The following SAP30BP variants were observed in gnomAD, a reference collection of about 807,000 sequenced individuals.
The protein encoded by SAP30BP is SAP30 binding protein.
A neutral mutation model predicts 46.3 loss-of-function variants in SAP30BP; 31 were observed. That is an observed-to-expected ratio of 0.67 (90% CI 0.50 to 0.90). SAP30BP has a LOEUF of 0.90. SAP30BP is among the 40% of genes least tolerant of loss of function. The probability of loss-of-function intolerance (pLI) is 0.00; values close to 1 mark genes in which losing one functional copy is unlikely to be tolerated. For missense variants in SAP30BP, 312 were observed against 391.0 expected, an observed-to-expected ratio of 0.80 and a Z score of 1.70; for synonymous variants, 169 against 144.2, an observed-to-expected ratio of 1.17 and a Z score of -1.23.
At chr17:75,667,657 C>T (rs556095163) in intron 1 of SAP30BP, among the ~76,000 whole-genome samples, 179 bp downstream of exon 1, 3 of 152,328 alleles carry the variant, frequency 2.0e-5, no homozygotes, top group African/African-American at 7.2e-5. Context: ...TGAAGAATCT[C>T]CTTCCCGTTA....
chr17:75,693,509 C>A (rs370977108), intron 4 of SAP30BP, 27 bp downstream of exon 4: 17 of 1,610,238 alleles, frequency 1.1e-5, no homozygotes, highest in Non-Finnish European at 1.4e-5. Flanking sequence ...CCTGGGGGCA[C>A]GTTTCTCAGC....
chr17:75,687,526 G>A (rs2060174582), intron 3 of SAP30BP, among the ~76,000 whole-genome samples: 1 of 151,384 alleles, frequency 6.6e-6, no homozygotes, highest in African/African-American at 2.4e-5. Context: ...TGAGGCAAGA[G>A]AATTGCTTGA....
intron 1 of SAP30BP, 39 bp from the exon 2 acceptor site, chr17:75,668,476 TC>T (rs1599080733): frequency 7.7e-7 from 1 of 1,294,196 alleles, no homozygotes; most frequent in South Asian, 1.4e-5. Context: ...GTTTTTTTTT[TC>T]TTGCTTTTTG....
chr17:75,679,157 T>C (rs967194138), intron 3 of SAP30BP, among the ~76,000 whole-genome samples: 2 of 151,978 alleles, frequency 1.3e-5, no homozygotes, highest in African/African-American at 4.8e-5. Context: ...CCACCACACC[T>C]GGCTAATTTT....
chr17:75,703,193 C>A, intron 6 of SAP30BP, 118 bp from the exon 7 acceptor site: 1 of 907,248 alleles, frequency 1.1e-6, no homozygotes, highest in Non-Finnish European at 1.8e-6. Context: ...TTGCTTAGAG[C>A]AGCTGAGCTG....
At chr17:75,689,239 C>G (rs1482086998) in intron 3 of SAP30BP, among the ~76,000 whole-genome samples, 1 of 150,428 alleles carries the variant, frequency 6.6e-6, no homozygotes, top group African/African-American at 2.5e-5. Flanking sequence ...ACCTCCACCT[C>G]TCAAGTAGCT....
At chr17:75,681,197 C>G (rs2060071163) in intron 3 of SAP30BP, among the ~76,000 whole-genome samples, 1 of 152,126 alleles carries the variant, frequency 6.6e-6, no homozygotes, top group South Asian at 2.1e-4. Context: ...TTTCCTGTAA[C>G]AGTTTTGTTA....
In SAP30BP at chr17:75,693,483, G is replaced by C. The variant is rs758547369; in HGVS notation, c.307+1G>C. On this transcript the variant is annotated splice_donor_variant, in intron 4 of 10. Transcript: ENST00000584667. LOFTEE classifies it high-confidence loss of function. The stretch of plus-strand genomic sequence containing the variant: ...AAGCGAGACCCCCAGGAACTCGTGG[G>C]TGAGTATTGGGGGATCCTGGGGGCA... 2 of 1,613,784 alleles carry C rather than the reference G, an allele frequency of 1.2e-6. No individual in the cohort carries two copies. The highest frequency in any genetic ancestry group is 1.7e-6 in the Non-Finnish European group (2 of 1,179,828).
chr17:75,693,466 C>T lies in SAP30BP; in HGVS notation c.291C>T (p.Asp97=). Residue 97 remains aspartate, a synonymous_variant, in exon 4 of 11, where the codon GAC becomes GAT. Coordinates refer to ENST00000584667, the MANE Select transcript of SAP30BP (RefSeq NM_013260.8). Reference sequence around the variant, plus strand: ...ATAATACAGAAGCAGAAAAGCGAGACCCCCAGGAACTCGTGGGTGAGTATT... The same window carrying T: ...ATAATACAGAAGCAGAAAAGCGAGATCCCCAGGAACTCGTGGGTGAGTATT... The part of the protein sequence containing the change: ...PKDNTEAEKR[D]PQELVASFSE... The T allele has an allele frequency of 6.2e-7, 1 of 1,613,908 alleles. No individual in the cohort carries two copies. The highest frequency in any genetic ancestry group is 8.5e-7 in the Non-Finnish European group (1 of 1,179,844).
chr17:75,697,052 C>G (rs994067504), intron 4 of SAP30BP, among the ~76,000 whole-genome samples: 5 of 152,092 alleles, frequency 3.3e-5, no homozygotes, highest in African/African-American at 1.2e-4. Context: ...GCTGGGATTA[C>G]AGGTGTGAGC....
chr17:75,670,005 A>G (rs1012378773), intron 2 of SAP30BP, among the ~76,000 whole-genome samples: 1 of 152,098 alleles, frequency 6.6e-6, no homozygotes, highest in African/African-American at 2.4e-5. Flanking sequence ...TTTTTGTTAC[A>G]TGTTGGTATG....
chr17:75,684,328 T>C (rs1366172833), intron 3 of SAP30BP: 1 of 152,128 alleles, frequency 6.6e-6, no homozygotes. Flanking sequence ...TCATGTGGGG[T>C]GCTATGTGAG....
intron 3 of SAP30BP, among the ~76,000 whole-genome samples, chr17:75,688,187 C>T (rs921742190): frequency 6.6e-6 from 1 of 152,058 alleles, no homozygotes; most frequent in Non-Finnish European, 1.5e-5. Flanking sequence ...ATCCTGGGTG[C>T]AGAAAGGGGA....
At chr17:75,697,882 G>A (rs537465726) in intron 4 of SAP30BP, among the ~76,000 whole-genome samples, 1 of 152,332 alleles carries the variant, frequency 6.6e-6, no homozygotes, top group Non-Finnish European at 1.5e-5. Flanking sequence ...AGCATGGGGA[G>A]AGGAGAAGGG....
Position 75,671,846 on chromosome 17 carries a change from G to C in SAP30BP, c.247G>C (p.Glu83Gln). ...EDDDSETEKP[E>Q]ADDPKDNTEA... ...TGACGATTCAGAGACTGAAAAACCT[G>C]AGGCTGATGACCCAAAGGTATTTGG... Residue 83 changes from glutamate (E) to glutamine (Q), a missense_variant, in exon 3 of 11, where the codon GAG (glutamate) becomes CAG (glutamine). By Grantham distance (29) the Glu-to-Gln change is conservative (BLOSUM62 2). Coordinates refer to ENST00000584667, the MANE Select transcript of SAP30BP (RefSeq NM_013260.8). The C allele has an allele frequency of 6.2e-7, 1 of 1,613,746 alleles. No homozygotes were observed. Among genetic ancestry groups the C allele is most frequent in the Non-Finnish European group, 8.5e-7 (1 of 1,179,686 alleles).
chr17:75,703,872 C>G lies in SAP30BP; in HGVS notation c.601+13C>G, dbSNP rs568572388. The stretch of plus-strand genomic sequence containing the variant: ...TATGAGGCATTAGGTAGCCTTTCGT[C>G]CCTCCTCCCATATACCTTGTCCGCC... On this transcript the variant is annotated intron_variant, in intron 8 of 10. Transcript: ENST00000584667. The G allele has an allele frequency of 2.5e-6, 4 of 1,600,050 alleles. No individual in the cohort carries two copies. Among genetic ancestry groups the G allele is most frequent in the African/African-American group, 2.7e-5 (2 of 74,766 alleles).
intron 4 of SAP30BP, among the ~76,000 whole-genome samples, chr17:75,696,826 G>A (rs577362097): frequency 7.0e-6 from 1 of 143,882 alleles, no homozygotes; most frequent in South Asian, 2.2e-4. Context: ...TGGAGGGGCT[G>A]GAGTGCAGTG....
chr17:75,696,673 A>G (rs1318594199), intron 4 of SAP30BP, among the ~76,000 whole-genome samples: 1 of 151,660 alleles, frequency 6.6e-6, no homozygotes, highest in East Asian at 1.9e-4. Context: ...GTACACTTCT[A>G]TCTAGTTTTC....
At chr17:75,682,949 G>A (rs775840129) in intron 3 of SAP30BP, among the ~76,000 whole-genome samples, 69 of 137,980 alleles carry the variant, frequency 5.0e-4, no homozygotes, top group Non-Finnish European at 9.5e-4. Flanking sequence ...GTGACACGGT[G>A]AGACTTCGTC....
Sources: gnomAD v4.1 joint callset for allele counts (sites outside exome capture counted in the v4.1 genomes callset) on GRCh38, gnomAD v4.1.1 for gene constraint, MANE v1.5 for transcripts, NCBI Gene and HGNC (gene_info 2026-07-23, HGNC 2026-07-21) for gene names.